The following TTBK2 variants were observed in gnomAD, a reference collection of about 807,000 sequenced individuals.
TTBK2 encodes the protein tau-tubulin kinase 2.
Under a neutral mutation model 110.8 loss-of-function variants are expected in TTBK2, and 28 were observed. The observed-to-expected ratio is 0.25, with a 90% CI of 0.19 to 0.35. The LOEUF (loss-of-function observed/expected upper bound fraction) is 0.35. Among genes scored for constraint, TTBK2 ranks in the 10% least tolerant of loss-of-function variants. The pLI, the probability that TTBK2 is intolerant of heterozygous loss-of-function variation, is 1.00. For missense variants in TTBK2, 1,369 were observed against 1,500.3 expected (o/e 0.91, Z 1.45); for synonymous variants, 532 against 527.3 (o/e 1.01, Z -0.12).
chr15:42,784,095 GA>G (rs796709075), intron 10 of TTBK2, among the ~76,000 whole-genome samples: 7 of 144,892 alleles, frequency 4.8e-5, no homozygotes, highest in Admixed American at 1.4e-4. Flanking sequence ...AAAAGAAAAA[GA>G]AAAAAAAAAC....
intron 3 of TTBK2, among the ~76,000 whole-genome samples, chr15:42,862,842 C>T (rs1394985922): frequency 6.6e-6 from 1 of 152,070 alleles, no homozygotes; most frequent in African/African-American, 2.4e-5. Flanking sequence ...AATCCGAGAT[C>T]GCACCATTAC....
chr15:42,849,174 T>C (rs895554050), intron 3 of TTBK2, among the ~76,000 whole-genome samples: 1 of 152,134 alleles, frequency 6.6e-6, no homozygotes, highest in Admixed American at 6.5e-5. Flanking sequence ...ACATGTTTTT[T>C]CTTTGTTGTT....
chr15:42,794,539 G>T lies in TTBK2; in HGVS notation c.980+105C>A, dbSNP rs16957167. On this transcript the variant is annotated intron_variant, in intron 10 of 14. Coordinates refer to ENST00000267890, the MANE Select transcript of TTBK2 (RefSeq NM_173500.4). ...TTCGAGGAGATCCACAGGCTTTCCCGGATGTCTTAGCATTTGGTCATCTGA... is the reference window on the plus strand; with the variant it reads ...TTCGAGGAGATCCACAGGCTTTCCCTGATGTCTTAGCATTTGGTCATCTGA... 0.13 allele frequency: 201,657 copies of T among 1,495,768 alleles called. 19,087 individuals carry two copies. The highest frequency in any genetic ancestry group is 0.41 in the African/African-American group (29,892 of 72,470). 92.7% of individuals were successfully genotyped at this position (1,495,768 alleles called of 1,614,324 possible).
intron 4 of TTBK2, among the ~76,000 whole-genome samples, chr15:42,830,310 C>A (rs1463952591): frequency 6.6e-6 from 1 of 152,000 alleles, no homozygotes. Flanking sequence ...GCTTCAGCCT[C>A]CCGAGTAGCT....
At chr15:42,815,146 A>G (rs776817020) in intron 7 of TTBK2, among the ~76,000 whole-genome samples, 13 of 152,338 alleles carry the variant, frequency 8.5e-5, no homozygotes, top group Admixed American at 4.6e-4. Context: ...TTTTGTAAGA[A>G]TCTATCAGGA....
rs2061780656 is a variant in TTBK2, at chr15:42,745,638, TATC to T, written c.*154_*156del. ...TTGCTGCCTGCCTTAGGTAATTCCT[TATC>T]ATGTATTATGTCTTCTTATAAATAA... On this transcript the variant is annotated 3_prime_UTR_variant, in exon 15 of 15. Transcript: ENST00000267890. 1 of 903,390 alleles carries T rather than the reference TATC, an allele frequency of 1.1e-6. No individual in the cohort carries two copies. 56.0% of individuals were successfully genotyped at this position (903,390 alleles called of 1,614,324 possible). A position where few individuals can be genotyped will look rare whatever the true frequency, so the allele number is the denominator to read the frequency against.
chr15:42,909,393 T>C (rs952840505), intron 1 of TTBK2, among the ~76,000 whole-genome samples: 2 of 152,208 alleles, frequency 1.3e-5, no homozygotes, highest in Non-Finnish European at 2.9e-5. Context: ...TTTGCTTCCA[T>C]TGTCACATCT....
At chr15:42,801,750 G>A (rs754691722) in intron 9 of TTBK2, 2 of 825,008 alleles carry the variant, frequency 2.4e-6, no homozygotes, top group South Asian at 1.3e-5. Context: ...TGAGGAAGCT[G>A]ATCTTGGCAG....
rs1567008803 is a variant in TTBK2 at position 42,763,157 on chromosome 15, CATATATAT to C, written c.1999-9918_1999-9911del. Among the ~76,000 whole-genome samples the C allele has an allele frequency of 7.7e-3, 157 of 20,470 alleles. 3 individuals are homozygous for C. Among genetic ancestry groups the C allele is most frequent in the East Asian group, 0.027 (10 of 376 alleles). The allele number at this position is 20,470 out of a possible 152,430, so 13.4% of individuals were successfully genotyped here. On this transcript the variant is annotated intron_variant, in intron 13 of 14. Coordinates refer to ENST00000267890, the MANE Select transcript of TTBK2 (RefSeq NM_173500.4). The stretch of plus-strand genomic sequence containing the variant: ...ATATATACATACATATATATATATA[CATATATAT>C]ATATATATATATATATATATATATA...
At chr15:42,806,458 C>T (rs75280665) in intron 9 of TTBK2, among the ~76,000 whole-genome samples, 7,772 of 152,226 alleles carry the variant, frequency 0.051, 628 homozygotes, top group African/African-American at 0.18. Flanking sequence ...ACTTCCAACG[C>T]TTTGTGTTGT....
Position 42,855,512 on chromosome 15 carries a change from G to A in TTBK2, c.218-15079C>T, listed in dbSNP as rs937179059. On this transcript the variant is annotated intron_variant, in intron 3 of 14. Transcript: ENST00000267890. The stretch of plus-strand genomic sequence containing the variant: ...GGAGTTATACAAGAAGAACACAGAA[G>A]CCAATGCAAAAGAGCTTCTACTGGT... 2.6e-5 allele frequency among the ~76,000 whole-genome samples: 4 copies of A among 152,312 alleles called. No individual in the cohort carries two copies. In the Middle Eastern group the frequency reaches 0.01, roughly 389 times the overall value.
intron 13 of TTBK2, among the ~76,000 whole-genome samples, chr15:42,758,362 T>C (rs938395768): frequency 2.3e-4 from 35 of 152,016 alleles, no homozygotes; most frequent in African/African-American, 8.2e-4. Context: ...TATAGAAATG[T>C]TGAAAATTAT....
intron 6 of TTBK2, among the ~76,000 whole-genome samples, chr15:42,817,533 T>C (rs1008089901): frequency 1.3e-5 from 2 of 152,214 alleles, no homozygotes; most frequent in African/African-American, 4.8e-5. Context: ...ATCTTGGCTA[T>C]TTCATTCAAA....
chr15:42,853,626 C>T (rs985924077), intron 3 of TTBK2, among the ~76,000 whole-genome samples: 2 of 152,102 alleles, frequency 1.3e-5, no homozygotes, highest in Non-Finnish European at 2.9e-5. Flanking sequence ...GCATAAAGAG[C>T]TAACATGGAA....
chr15:42,914,265 C>T (rs531897578), intron 1 of TTBK2, among the ~76,000 whole-genome samples: 61 of 152,126 alleles, frequency 4.0e-4, no homozygotes, highest in Non-Finnish European at 7.6e-4. Flanking sequence ...CATGAGCCAC[C>T]ACGCCTGGCC....
At chr15:42,898,696 A>T (rs1895766838) in intron 1 of TTBK2, among the ~76,000 whole-genome samples, 2 of 152,242 alleles carry the variant, frequency 1.3e-5, no homozygotes, top group South Asian at 4.1e-4. Context: ...CATGTGTAGT[A>T]GGAATGAGAT....
chr15:42,748,887 G>A (rs2061829870), intron 14 of TTBK2, among the ~76,000 whole-genome samples: 1 of 152,128 alleles, frequency 6.6e-6, no homozygotes, highest in Non-Finnish European at 1.5e-5. Context: ...TCAGACCTAG[G>A]GAAATCTATA....
intron 4 of TTBK2, among the ~76,000 whole-genome samples, chr15:42,838,253 C>T (rs531627936): frequency 2.0e-5 from 3 of 151,842 alleles, no homozygotes; most frequent in South Asian, 2.1e-4. Flanking sequence ...CCCAAAACAA[C>T]GTTTGCTTAA....
chr15:42,756,579 C>G (rs1415498415), intron 13 of TTBK2, among the ~76,000 whole-genome samples: 1 of 152,122 alleles, frequency 6.6e-6, no homozygotes, highest in Non-Finnish European at 1.5e-5. Context: ...GAGCGACACT[C>G]TGTCTCAAAA....
Sources: gnomAD v4.1 joint callset for allele counts (sites outside exome capture counted in the v4.1 genomes callset) on GRCh38, gnomAD v4.1.1 for gene constraint, MANE v1.5 for transcripts, NCBI Gene and HGNC (gene_info 2026-07-23, HGNC 2026-07-21) for gene names.